ARID3C: variants seen among roughly 807,000 people sequenced by gnomAD.
ARID3C encodes AT-rich interactive domain-containing protein 3C.
Under a neutral mutation model 37.9 loss-of-function variants are expected in ARID3C, and 42 were observed. The ratio of observed to expected loss-of-function variants is 1.11; its 90% CI spans 0.87 to 1.43. ARID3C has a LOEUF of 1.43. ARID3C is among the 40% of genes most tolerant of loss of function. The pLI is 0.00. For missense variants in ARID3C, 581 were observed against 548.8 expected, an observed-to-expected ratio of 1.06 and a Z score of -0.59; for synonymous variants, 213 against 228.0, an observed-to-expected ratio of 0.93 and a Z score of 0.59.
intron 4 of ARID3C, 28 bp downstream of exon 5, chr9:34,623,397 C>G (rs1820603436): frequency 6.8e-7 from 1 of 1,480,380 alleles, no homozygotes. Context: ...TCAGAGACCC[C>G]GAAACCTCTA....
intron 2 of ARID3C, 58 bp from the exon 4 acceptor site, chr9:34,624,105 C>T: frequency 3.3e-6 from 5 of 1,507,166 alleles, no homozygotes; most frequent in African/African-American, 1.4e-5. Flanking sequence ...CTGCAGCATC[C>T]CCAGGGACTG....
intron 3 of ARID3C, 41 bp downstream of exon 4, chr9:34,623,823 A>T: frequency 6.6e-7 from 1 of 1,524,110 alleles, no homozygotes; most frequent in Non-Finnish European, 8.8e-7. Context: ...CCCAGGCCGA[A>T]CCCGTGCCCC....
intron 4 of ARID3C, 102 bp downstream of exon 5, chr9:34,623,323 A>G: frequency 7.4e-7 from 1 of 1,356,714 alleles, no homozygotes; most frequent in Non-Finnish European, 9.7e-7. Flanking sequence ...CCATACCTCA[A>G]TGCCTCCCCA....
At chr9:34,624,934 G>T (rs1820634034) in intron 2 of ARID3C, among the ~76,000 whole-genome samples, 1 of 152,162 alleles carries the variant, frequency 6.6e-6, no homozygotes, top group Admixed American at 6.5e-5. Context: ...ACTGGAACCA[G>T]AATGGGCCTC....
exon 3 of ARID3C, chr9:34,624,000 G>T: frequency 6.2e-7 from 1 of 1,601,844 alleles, no homozygotes. Context: ...AGAGCGTACA[G>T]GTCGAGCACC....
Position 34,623,289 on chromosome 9 carries a change from G to A in ARID3C, c.865+136C>T. 3.7e-6 allele frequency: 4 copies of A among 1,090,324 alleles called. No individual in the cohort carries two copies. The Admixed American group carries it at 1.3e-4, about 34-fold the overall frequency. 67.5% of individuals were successfully genotyped at this position (1,090,324 alleles called of 1,614,324 possible). The stretch of plus-strand genomic sequence containing the variant: ...AAACCTTAGTGACCCCCAAACCTCA[G>A]AAGCCCGTCAGACCTTACTGCTCCC... On this transcript the variant is annotated intron_variant, in intron 4 of 6. Transcript: ENST00000378909.
In ARID3C at chr9:34,622,118, G is replaced by C; in HGVS notation, c.1049-9C>G. The C allele has an allele frequency of 6.2e-7, 1 of 1,613,652 alleles. No homozygotes were observed. Among genetic ancestry groups the C allele is most frequent in the East Asian group, 2.2e-5 (1 of 44,884 alleles). On this transcript the variant is annotated splice_polypyrimidine_tract_variant and intron_variant, in intron 5 of 6. Coordinates refer to ENST00000378909, the Ensembl canonical transcript of ARID3C. ...CCCATCCAGCCGCTCTTCTGTCCAG[G>C]AGGGGGCAGAGGAATCACATTTTGG...
intron 2 of ARID3C, 77 bp from the exon 4 acceptor site, chr9:34,624,124 C>T: frequency 2.8e-6 from 4 of 1,454,500 alleles, no homozygotes; most frequent in Non-Finnish European, 2.7e-6. Context: ...TGATACAGGA[C>T]GGGAGCCCCG....
At chr9:34,627,764 C>G (rs750013255) in exon 1 of ARID3C, 4 of 1,614,154 alleles carry the variant, frequency 2.5e-6, no homozygotes, top group Non-Finnish European at 3.4e-6. Context: ...AGAAGGCGAG[C>G]TGGGGCCCTG....
intron 3 of ARID3C, 35 bp downstream of exon 4, chr9:34,623,829 G>T: frequency 6.5e-7 from 1 of 1,531,828 alleles, no homozygotes; most frequent in East Asian, 2.4e-5. Flanking sequence ...CCGAACCCGT[G>T]CCCCCTTCCC....
At chr9:34,623,984 C>A (rs764466864) in exon 3 of ARID3C, 1 of 1,603,624 alleles carries the variant, frequency 6.2e-7, no homozygotes, top group Non-Finnish European at 8.5e-7. Flanking sequence ...GGTCACCAGG[C>A]GAAACAGAGC....
rs569247402 is a variant in ARID3C, at chr9:34,623,744, T to C, written c.576-30A>G. ...GGGCGGACAGCGGGCGGTGAGTGTA[T>C]GGGAGGCTGCACCCAGCTGGTCAAG... On this transcript the variant is annotated intron_variant, in intron 3 of 6. Transcript: ENST00000378909. 3.3e-6 allele frequency: 5 copies of C among 1,511,532 alleles called. No individual in the cohort carries two copies. The Admixed American group carries it at 6.0e-5, about 18-fold the overall frequency. The allele number at this position is 1,511,532 out of a possible 1,614,324, so 93.6% of individuals were successfully genotyped here.
At chr9:34,623,943 G>T in exon 3 of ARID3C, 1 of 1,606,382 alleles carries the variant, frequency 6.2e-7, no homozygotes. Context: ...CACACTTTGC[G>T]GTTGATGACT....
At chr9:34,624,125 G>T (rs1417882086) in intron 2 of ARID3C, 78 bp from the exon 4 acceptor site, 18 of 1,449,772 alleles carry the variant, frequency 1.2e-5, no homozygotes, top group Non-Finnish European at 1.5e-5. Context: ...GATACAGGAC[G>T]GGAGCCCCGG....
chr9:34,631,456 C>T (rs540459656), upstream of ARID3C, among the ~76,000 whole-genome samples: 10 of 152,322 alleles, frequency 6.6e-5, no homozygotes, highest in Middle Eastern at 3.4e-3. Context: ...CTCACAGAGA[C>T]GGAGACAGAC....
At chr9:34,629,452 G>C (rs1194784626), upstream of ARID3C, among the ~76,000 whole-genome samples, 1 of 152,244 alleles carries the variant, frequency 6.6e-6, no homozygotes. Flanking sequence ...GGCACGCTGT[G>C]ATCAAGAGGG....
Position 34,627,631 on chromosome 9 carries a change from T to C in ARID3C, c.318+66A>G, listed in dbSNP as rs1820673269. 2.0e-6 allele frequency: 3 copies of C among 1,470,866 alleles called. No individual in the cohort carries two copies. The East Asian group carries it at 6.9e-5, about 34-fold the overall frequency. The allele number at this position is 1,470,866 out of a possible 1,614,324, so 91.1% of individuals were successfully genotyped here. ...GGGGGTGGGTGGGCTGCTAATCACCTGGCTGTGCTTTTGCCAGAAGAGAGA... is the reference window on the plus strand; with the variant it reads ...GGGGGTGGGTGGGCTGCTAATCACCCGGCTGTGCTTTTGCCAGAAGAGAGA... On this transcript the variant is annotated intron_variant, in intron 1 of 6. Transcript: ENST00000378909.
exon 4 of ARID3C, chr9:34,623,458 A>T (rs775677901): frequency 6.5e-7 from 1 of 1,535,206 alleles, no homozygotes; most frequent in Non-Finnish European, 8.7e-7. Flanking sequence ...AGCTGAGCGC[A>T]TGCATGCGCT....
chr9:34,632,971 A>G (rs1820735569), upstream of ARID3C, among the ~76,000 whole-genome samples: 1 of 152,180 alleles, frequency 6.6e-6, no homozygotes, highest in African/African-American at 2.4e-5. Context: ...TCACAGAATC[A>G]CCTGGGAAGG....
Sources: gnomAD v4.1 joint callset for allele counts (sites outside exome capture counted in the v4.1 genomes callset) on GRCh38, gnomAD v4.1.1 for gene constraint, MANE v1.5 for transcripts, NCBI Gene and HGNC (gene_info 2026-07-23, HGNC 2026-07-21) for gene names.